LPAR3: variants seen among roughly 807,000 people sequenced by gnomAD.
LPAR3 encodes LPA receptor 3.
LPAR3 carries 7 observed loss-of-function variants against 17.8 expected under a neutral mutation model. That is an observed-to-expected ratio of 0.39 (90% CI 0.22 to 0.74). The LOEUF is 0.74. Ranked by LOEUF, LPAR3 falls within the 30% of genes least tolerant of loss-of-function variation. LPAR3 has a pLI of 0.40. For synonymous variants in LPAR3, 179 were observed against 179.9 expected, an observed-to-expected ratio of 0.99 and a Z score of 0.04; for missense variants, 391 against 453.4, an observed-to-expected ratio of 0.86 and a Z score of 1.25.
chr1:84,866,223 G>T, intron 1 of LPAR3, 85 bp from the exon 2 acceptor site: 3 of 1,044,032 alleles, frequency 2.9e-6, no homozygotes, highest in Non-Finnish European at 4.2e-6. Context: ...GCCCGTTCTG[G>T]CTAACTCCCA....
intron 1 of LPAR3, among the ~76,000 whole-genome samples, chr1:84,883,609 C>T (rs1277522356): frequency 6.6e-6 from 1 of 152,158 alleles, no homozygotes; most frequent in Non-Finnish European, 1.5e-5. Flanking sequence ...CCCATTTGAT[C>T]CCACAGTGAG....
At chr1:84,855,699 G>A (rs1368480021) in intron 2 of LPAR3, among the ~76,000 whole-genome samples, 1 of 152,200 alleles carries the variant, frequency 6.6e-6, no homozygotes, top group Non-Finnish European at 1.5e-5. Context: ...AATGGAAGAA[G>A]TAAGAGGGCA....
intron 2 of LPAR3, among the ~76,000 whole-genome samples, chr1:84,843,106 GTGGGGACAGGGC>G (rs1659536283): frequency 6.6e-6 from 1 of 152,206 alleles, no homozygotes; most frequent in South Asian, 2.1e-4. Context: ...CAAGCCTGGG[GTGGGGACAGGGC>G]TGAGCCACAA....
intron 1 of LPAR3, among the ~76,000 whole-genome samples, chr1:84,876,942 C>T (rs1660271414): frequency 6.6e-6 from 1 of 152,186 alleles, no homozygotes; most frequent in African/African-American, 2.4e-5. Flanking sequence ...AATTTCTCTG[C>T]AGATAGTAAG....
chr1:84,877,943 A>G (rs1294187456), intron 1 of LPAR3, among the ~76,000 whole-genome samples: 1 of 151,870 alleles, frequency 6.6e-6, no homozygotes, highest in Non-Finnish European at 1.5e-5. Context: ...TTATAAGGGG[A>G]TTTGGAAACC....
chr1:84,817,260 AT>A (rs1658951449), intron 2 of LPAR3, among the ~76,000 whole-genome samples: 2 of 64,714 alleles, frequency 3.1e-5, no homozygotes, highest in South Asian at 9.1e-4. Context: ...TCCAGGATCT[AT>A]CACACACACA....
At chr1:84,871,972 T>TC (rs1187702701) in intron 1 of LPAR3, among the ~76,000 whole-genome samples, 1 of 152,208 alleles carries the variant, frequency 6.6e-6, no homozygotes, top group Non-Finnish European at 1.5e-5. Context: ...ACAGCATTTC[T>TC]CCATACCTCA....
At chr1:84,876,360 C>G (rs1660257918) in intron 1 of LPAR3, among the ~76,000 whole-genome samples, 1 of 152,156 alleles carries the variant, frequency 6.6e-6, no homozygotes, top group Non-Finnish European at 1.5e-5. Flanking sequence ...TTAGGGACTG[C>G]TTCCTTGCTT....
intron 2 of LPAR3, among the ~76,000 whole-genome samples, chr1:84,836,183 T>C (rs921304831): frequency 1.5e-4 from 22 of 150,966 alleles, no homozygotes; most frequent in Non-Finnish European, 3.2e-4. Context: ...CAAAAAAATA[T>C]AAAAATTGGC....
intron 2 of LPAR3, among the ~76,000 whole-genome samples, chr1:84,821,130 TG>T (rs549992394): frequency 7.3e-4 from 111 of 151,680 alleles, no homozygotes; most frequent in Non-Finnish European, 1.4e-3. Flanking sequence ...AATAGATCAG[TG>T]GTTTTCAAAC....
intron 1 of LPAR3, among the ~76,000 whole-genome samples, chr1:84,883,727 T>G (rs975249086): frequency 1.3e-5 from 2 of 151,996 alleles, no homozygotes; most frequent in Non-Finnish European, 2.9e-5. Context: ...TTTTGTTTTT[T>G]TTTTTTTTAA....
At chr1:84,891,433 TCTGA>T (rs1463444823) in intron 1 of LPAR3, among the ~76,000 whole-genome samples, 1 of 152,224 alleles carries the variant, frequency 6.6e-6, no homozygotes, top group African/African-American at 2.4e-5. Flanking sequence ...AGTACACAAC[TCTGA>T]CTGGCAGGGT....
At chr1:84,869,769 T>C (rs1486786049) in intron 1 of LPAR3, among the ~76,000 whole-genome samples, 3 of 152,254 alleles carry the variant, frequency 2.0e-5, no homozygotes, top group Non-Finnish European at 4.4e-5. Context: ...TCTACAATTA[T>C]GGCTTTGAAA....
intron 1 of LPAR3, among the ~76,000 whole-genome samples, chr1:84,891,996 G>A (rs541116542): frequency 7.2e-5 from 11 of 151,974 alleles, no homozygotes; most frequent in Non-Finnish European, 1.5e-4. Context: ...GGTGGATCAC[G>A]AGGTCAAGCG....
At chr1:84,832,851 C>T (rs993188147) in intron 2 of LPAR3, among the ~76,000 whole-genome samples, 2 of 152,178 alleles carry the variant, frequency 1.3e-5, no homozygotes, top group African/African-American at 4.8e-5. Flanking sequence ...CATTTGGGTA[C>T]ATCAGATATA....
At chr1:84,892,554 C>A (rs1365264322) in intron 1 of LPAR3, among the ~76,000 whole-genome samples, 1 of 152,218 alleles carries the variant, frequency 6.6e-6, no homozygotes, top group Non-Finnish European at 1.5e-5. Flanking sequence ...TGTTCCCCAG[C>A]GGACACAGCA....
Position 84,812,652 on chromosome 1 carries a change from C to T in LPAR3, c.*1194G>A, listed in dbSNP as rs1658836978. ...TTCACCACATTGCCCAGGCTGGTCTCATACTCCTGGCCTCAAGTGATCCAC... is the reference window on the plus strand; with the variant it reads ...TTCACCACATTGCCCAGGCTGGTCTTATACTCCTGGCCTCAAGTGATCCAC... On this transcript the variant is annotated 3_prime_UTR_variant, in exon 3 of 3. Transcript: ENST00000370611. 6.6e-6 allele frequency: 1 copy of T among 152,154 alleles called. No individual in the cohort carries two copies. The highest frequency in any genetic ancestry group is 6.6e-5 in the Admixed American group (1 of 15,258). 9.4% of individuals were successfully genotyped at this position (152,154 alleles called of 1,614,324 possible). A position where few individuals can be genotyped will look rare whatever the true frequency, so the allele number is the denominator to read the frequency against.
At chr1:84,877,500 TA>T (rs1660281076) in intron 1 of LPAR3, among the ~76,000 whole-genome samples, 4 of 152,190 alleles carry the variant, frequency 2.6e-5, no homozygotes, top group Admixed American at 2.6e-4. Flanking sequence ...GGCTCAGGAA[TA>T]AGCTCTTCCA....
rs1658866312 is a variant in LPAR3 at position 84,813,647 on chromosome 1, G to A, written c.*199C>T. The A allele has an allele frequency of 1.8e-6, 1 of 556,106 alleles. No homozygotes were observed. Among genetic ancestry groups the A allele is most frequent in the Non-Finnish European group, 3.2e-6 (1 of 313,730 alleles). 34.4% of individuals were successfully genotyped at this position (556,106 alleles called of 1,614,324 possible). ...GACCCGCCGAACCTCTCCCGTTTCTGTGCTTTCTCTAAATGCAGCAGGTCC... is the reference window on the plus strand; with the variant it reads ...GACCCGCCGAACCTCTCCCGTTTCTATGCTTTCTCTAAATGCAGCAGGTCC... On this transcript the variant is annotated 3_prime_UTR_variant, in exon 3 of 3. Coordinates refer to ENST00000370611, the MANE Select transcript of LPAR3 (RefSeq NM_012152.3).
Sources: gnomAD v4.1 joint callset for allele counts (sites outside exome capture counted in the v4.1 genomes callset) on GRCh38, gnomAD v4.1.1 for gene constraint, MANE v1.5 for transcripts, NCBI Gene and HGNC (gene_info 2026-07-23, HGNC 2026-07-21) for gene names.